CNTN6: variants seen among roughly 807,000 people sequenced by gnomAD.
CNTN6 encodes contactin-6.
Under a neutral mutation model 122.8 loss-of-function variants are expected in CNTN6, and 137 were observed. The ratio of observed to expected loss-of-function variants is 1.12; its 90% CI spans 0.97 to 1.29. CNTN6 has a LOEUF of 1.29. Ranked by LOEUF, CNTN6 falls within the 50% of genes most tolerant of loss-of-function variation. The pLI, the probability that CNTN6 is intolerant of heterozygous loss-of-function variation, is 0.00. For synonymous variants in CNTN6, 570 were observed against 426.0 expected (o/e 1.34, Z -4.16); for missense variants, 1,634 against 1,223.4 (o/e 1.34, Z -5.01).
intron 4 of CNTN6, among the ~76,000 whole-genome samples, chr3:1,257,648 C>T (rs917388937): frequency 2.0e-5 from 3 of 152,012 alleles, no homozygotes; most frequent in Non-Finnish European, 4.4e-5. Context: ...GCTGTGGAGG[C>T]AGTACAATAT....
At chr3:1,290,955 A>C (rs1695220123) in intron 5 of CNTN6, among the ~76,000 whole-genome samples, 1 of 152,112 alleles carries the variant, frequency 6.6e-6, no homozygotes, top group Admixed American at 6.5e-5. Flanking sequence ...TCATCCTGTG[A>C]CTTAAAATGC....
chr3:1,385,836 T>TGAA lies in CNTN6; in HGVS notation c.2704+42_2704+44dup, dbSNP rs746659696. 27 of 1,530,122 alleles carry TGAA rather than the reference T, an allele frequency of 1.8e-5. No individual in the cohort carries two copies. In the South Asian group the frequency reaches 3.0e-4, roughly 17 times the overall value. 94.8% of individuals were successfully genotyped at this position (1,530,122 alleles called of 1,614,324 possible). A position where few individuals can be genotyped will look rare whatever the true frequency, so the allele number is the denominator to read the frequency against. On this transcript the variant is annotated intron_variant, in intron 20 of 22. Transcript: ENST00000446702. Reference sequence around the variant, plus strand: ...CACTCCAGGAAACAAGATTCATCTGTGAAGAGCAACCTATTCCTTTGCTTG... The same window carrying TGAA: ...CACTCCAGGAAACAAGATTCATCTGTGAAGAAGAGCAACCTATTCCTTTGCTTG...
chr3:1,244,257 G>T (rs1339337078), intron 4 of CNTN6, among the ~76,000 whole-genome samples: 1 of 152,148 alleles, frequency 6.6e-6, no homozygotes. Context: ...GTGGCCCATA[G>T]TGAAGGAAGC....
chr3:1,373,136 T>C (rs1014026052), intron 14 of CNTN6, among the ~76,000 whole-genome samples, 181 bp downstream of exon 14: 2 of 152,078 alleles, frequency 1.3e-5, no homozygotes, highest in Non-Finnish European at 2.9e-5. Flanking sequence ...GACATGGAAC[T>C]GTGTGAATAC....
chr3:1,119,886 A>G (rs376013310), intron 1 of CNTN6, among the ~76,000 whole-genome samples: 44 of 152,000 alleles, frequency 2.9e-4, no homozygotes, highest in Admixed American at 1.4e-3. Flanking sequence ...TTTGAAGTCA[A>G]TCCTACCACA....
rs894971059 is a variant in CNTN6, at chr3:1,333,077, T to A, written c.1364+3142T>A. 1.9e-3 allele frequency among the ~76,000 whole-genome samples: 288 copies of A among 152,208 alleles called. 1 individual carries two copies. Among genetic ancestry groups the A allele is most frequent in the Non-Finnish European group, 6.9e-4 (47 of 67,980 alleles). On this transcript the variant is annotated intron_variant, in intron 11 of 22. Coordinates refer to ENST00000446702, the MANE Select transcript of CNTN6 (RefSeq NM_001289080.2). ...AAGTTTATTTGATTGAGTATGTATG[T>A]GTGTATTTGTGTGGGTGGGGTGTGG...
intron 11 of CNTN6, among the ~76,000 whole-genome samples, chr3:1,346,695 G>T (rs1704757786): frequency 6.6e-6 from 1 of 151,854 alleles, no homozygotes; most frequent in East Asian, 1.9e-4. Flanking sequence ...CTGAGTCTCA[G>T]GGAGTCTGAT....
intron 7 of CNTN6, among the ~76,000 whole-genome samples, chr3:1,308,738 C>G (rs1698760531): frequency 6.6e-6 from 1 of 152,010 alleles, no homozygotes; most frequent in African/African-American, 2.4e-5. Context: ...GCAATACCAC[C>G]AGTAATAAAT....
intron 12 of CNTN6, among the ~76,000 whole-genome samples, chr3:1,357,338 TACTA>T (rs1477743440): frequency 1.3e-5 from 2 of 151,916 alleles, no homozygotes; most frequent in Non-Finnish European, 2.9e-5. Flanking sequence ...AACCTGCCAT[TACTA>T]ACTAACGTGG....
chr3:1,179,820 C>G (rs1185267633), intron 2 of CNTN6, among the ~76,000 whole-genome samples: 2 of 152,110 alleles, frequency 1.3e-5, no homozygotes, highest in Non-Finnish European at 1.5e-5. Flanking sequence ...GCAAATTTCC[C>G]TGTTATCTTG....
chr3:1,168,826 A>C lies in CNTN6; in HGVS notation c.55+20763A>C, dbSNP rs188087070. ...GTTAATGATGAGCAAAAAAAGGGAC[A>C]TTCTAGAAGCATCTGGTCTAACAAC... On this transcript the variant is annotated intron_variant, in intron 2 of 22. Transcript: ENST00000446702. Among the ~76,000 whole-genome samples the C allele has an allele frequency of 4.1e-4, 62 of 152,316 alleles. 1 individual carries two copies. The highest frequency in any genetic ancestry group is 1.3e-3 in the African/African-American group (55 of 41,564).
intron 4 of CNTN6, among the ~76,000 whole-genome samples, chr3:1,273,761 C>G (rs1425330440): frequency 1.3e-5 from 2 of 152,168 alleles, no homozygotes; most frequent in Non-Finnish European, 2.9e-5. Context: ...CCTTTCATGT[C>G]AGCTAATAGA....
chr3:1,402,138 A>C (rs1389596852), intron 21 of CNTN6, among the ~76,000 whole-genome samples, 180 bp from the exon 22 acceptor site: 2 of 151,066 alleles, frequency 1.3e-5, no homozygotes, highest in Non-Finnish European at 3.0e-5. Context: ...AAAAAAAAAA[A>C]CACCTCTTTT....
intron 7 of CNTN6, among the ~76,000 whole-genome samples, chr3:1,298,872 C>T (rs1384267406): frequency 1.3e-5 from 2 of 152,194 alleles, no homozygotes; most frequent in East Asian, 3.9e-4. Flanking sequence ...CAGAGGTAAG[C>T]TCGGAGGGCT....
chr3:1,383,447 C>T (rs1476052183), intron 19 of CNTN6, 39 bp downstream of exon 19: 4 of 1,483,410 alleles, frequency 2.7e-6, no homozygotes, highest in African/African-American at 1.4e-5. Flanking sequence ...ATGAATGTGC[C>T]AATGGACTTC....
intron 1 of CNTN6, among the ~76,000 whole-genome samples, chr3:1,124,583 G>A (rs955255692): frequency 2.0e-5 from 3 of 151,808 alleles, no homozygotes; most frequent in Non-Finnish European, 2.9e-5. Context: ...CACATATTGG[G>A]TATAGTGTAC....
At chr3:1,202,289 C>T (rs895001249) in intron 2 of CNTN6, among the ~76,000 whole-genome samples, 1 of 152,220 alleles carries the variant, frequency 6.6e-6, no homozygotes, top group Non-Finnish European at 1.5e-5. Flanking sequence ...GCCTGTAATC[C>T]CAGCACTTCG....
At chr3:1,244,032 A>G (rs1385855609) in intron 4 of CNTN6, among the ~76,000 whole-genome samples, 4 of 152,124 alleles carry the variant, frequency 2.6e-5, no homozygotes, top group Non-Finnish European at 4.4e-5. Context: ...CCATTTGCCC[A>G]TTTTTCGACA....
chr3:1,383,202 C>CTT, intron 18 of CNTN6, 26 bp downstream of exon 18: 1 of 1,600,498 alleles, frequency 6.2e-7, no homozygotes. Context: ...CTCTGGTTTT[C>CTT]TTTGAGACTC....
Sources: gnomAD v4.1 joint callset for allele counts (sites outside exome capture counted in the v4.1 genomes callset) on GRCh38, gnomAD v4.1.1 for gene constraint, MANE v1.5 for transcripts, NCBI Gene and HGNC (gene_info 2026-07-23, HGNC 2026-07-21) for gene names.